Variants in CPSF1 observed in about 807,000 individuals in gnomAD.
CPSF1 encodes the protein cleavage and polyadenylation specificity factor subunit 1.
Under a neutral mutation model 175.8 loss-of-function variants are expected in CPSF1, and 106 were observed. The ratio of observed to expected loss-of-function variants is 0.60; its 90% CI spans 0.52 to 0.71. The LOEUF (loss-of-function observed/expected upper bound fraction) is 0.71. Among genes scored for constraint, CPSF1 ranks in the 30% least tolerant of loss-of-function variants. The pLI, the probability that CPSF1 is intolerant of heterozygous loss-of-function variation, is 0.00. For synonymous variants in CPSF1, 1,024 were observed against 858.3 expected, an observed-to-expected ratio of 1.19 and a Z score of -3.37; for missense variants, 1,734 against 2,022.9, an observed-to-expected ratio of 0.86 and a Z score of 2.74.
chr8:144,400,134 G>GACC, intron 9 of CPSF1, 32 bp downstream of exon 9: 1 of 964,398 alleles, frequency 1.0e-6, no homozygotes, highest in Non-Finnish European at 1.5e-6. Context: ...GCCGTCCCCG[G>GACC]GCCCCCCCCG....
In CPSF1 at chr8:144,400,248, C is replaced by T. The variant is rs2116873852; in HGVS notation, c.855G>A (p.Ser285=). The part of the protein sequence containing the change: ...IGGVVVFAVN[S]LLYLNQSVPP... Reference sequence around the variant, plus strand: ...GGACGCTCTGGTTCAGGTACAACAGCGAGTTGACGGCAAACACCACCACCC... The same window carrying T: ...GGACGCTCTGGTTCAGGTACAACAGTGAGTTGACGGCAAACACCACCACCC... Residue 285 remains serine (S), a synonymous_variant, in exon 9 of 38, where the codon TCG becomes TCA. Transcript: ENST00000616140. The T allele has an allele frequency of 4.4e-6, 7 of 1,593,568 alleles. No homozygotes were observed. The highest frequency in any genetic ancestry group is 1.3e-5 in the African/African-American group (1 of 74,310).
At chr8:144,403,426 C>T (rs2116894874) in intron 2 of CPSF1, among the ~76,000 whole-genome samples, 5 of 152,176 alleles carry the variant, frequency 3.3e-5, no homozygotes, top group African/African-American at 1.2e-4. Context: ...CACTGTCTCC[C>T]AGGTTGGAGT....
rs781849389 is a variant in CPSF1 at position 144,397,267 on chromosome 8, G to C, written c.2532C>G (p.Pro844=). 6.5e-7 allele frequency: 1 copy of C among 1,549,996 alleles called. No homozygotes were observed. The highest frequency in any genetic ancestry group is 8.7e-7 in the Non-Finnish European group (1 of 1,147,394). ...REEATRQGEL[P]LVKEVLLVAL... is the part of the protein sequence containing the mutation. ...CCACCAGCAGCACCTCCTTGACGAG[G>C]GGCAGCTCCCCCTGGCGCGTGGCCT... The change falls in exon 23 of 38, where the codon CCC becomes CCG. Residue 844 remains proline (P), a synonymous_variant. Transcript: ENST00000616140.
Position 144,396,856 on chromosome 8 carries a change from T to C in CPSF1, c.2666A>G (p.Lys889Arg). The stretch of plus-strand genomic sequence containing the variant: ...CACTGGCACCTTCTTAAAGCGGACT[T>C]TGAGATTGCCCTGGCCGAGCTGAGA... ...HDSQLGQGNLKVRFKKVPHNI... is the reference protein window; with the variant it reads ...HDSQLGQGNLRVRFKKVPHNI... The change falls in exon 24 of 38, where the codon AAA (lysine) becomes AGA (arginine). Residue 889 changes from lysine (K) to arginine (R), a missense_variant. By Grantham distance (26) the Lys-to-Arg change is conservative. This residue lies in a region of CPSF1 where 585 missense variants were observed against 584.7 expected (regional missense o/e 1.00). Coordinates refer to ENST00000616140, the MANE Select transcript of CPSF1 (RefSeq NM_013291.3). 6.2e-7 allele frequency: 1 copy of C among 1,613,858 alleles called. No individual in the cohort carries two copies. Among genetic ancestry groups the C allele is most frequent in the South Asian group, 1.1e-5 (1 of 91,070 alleles).
Position 144,394,120 on chromosome 8 carries a change from C to A in CPSF1, c.3852G>T (p.Leu1284=), listed in dbSNP as rs782380278. The change falls in exon 34 of 38, where the codon CTG becomes CTT. Residue 1284 remains leucine (L), a synonymous_variant. Coordinates refer to ENST00000616140, the MANE Select transcript of CPSF1 (RefSeq NM_013291.3). ...RDRNLMVYMY[L]PEAKESFGGM... ...GGTGGAGGAAGCACTCACCTTCGGG[C>A]AGGTACATGTACACCATGAGGTTGC... 1.2e-6 allele frequency: 2 copies of A among 1,612,616 alleles called. No individual in the cohort carries two copies. Among genetic ancestry groups the A allele is most frequent in the African/African-American group, 2.7e-5 (2 of 74,908 alleles).
chr8:144,409,268 G>A, intron 1 of CPSF1, 21 bp downstream of exon 1: 1 of 1,078,894 alleles, frequency 9.3e-7, no homozygotes, highest in Non-Finnish European at 1.2e-6. Context: ...TGCCGCCTCG[G>A]CCGCCCGCCC....
At chr8:144,393,626 G>A (rs1554862210) in intron 36 of CPSF1, 36 bp from the exon 37 acceptor site, 8 of 1,588,500 alleles carry the variant, frequency 5.0e-6, no homozygotes, top group Admixed American at 1.8e-5. Context: ...GGGCAGGCTG[G>A]GGTGGAGGGG....
At chr8:144,401,176 G>A in intron 5 of CPSF1, 35 bp downstream of exon 5, 1 of 1,548,122 alleles carries the variant, frequency 6.5e-7, no homozygotes, top group Non-Finnish European at 8.7e-7. Flanking sequence ...GGGTGGCTGG[G>A]CGGGGCCTGG....
At position 144,396,587 on chromosome 8, in the gene CPSF1, C is replaced by T. The variant is rs1035838317; in HGVS notation, c.2826+11G>A. On this transcript the variant is annotated intron_variant, in intron 25 of 37. Coordinates refer to ENST00000616140, the MANE Select transcript of CPSF1 (RefSeq NM_013291.3). The stretch of plus-strand genomic sequence containing the variant: ...CTTCTACCACAGACCCCTGCAAAGG[C>T]GCTGGCCTACCCCTGAGTAGCCATA... 8.7e-6 allele frequency: 14 copies of T among 1,611,342 alleles called. No individual in the cohort carries two copies. The highest frequency in any genetic ancestry group is 3.3e-4 in the Middle Eastern group (2 of 6,076).
chr8:144,393,948 C>CG lies in CPSF1; in HGVS notation c.3949dup (p.Arg1317ProfsTer5), dbSNP rs782801667. On this transcript the variant is annotated frameshift_variant, in exon 35 of 38. Coordinates refer to ENST00000616140, the MANE Select transcript of CPSF1 (RefSeq NM_013291.3). LOFTEE classifies it high-confidence loss of function. ...TTTGCTGAGCCCTTCAGTGGCCCCCCGGCACGGGGTCCTCCAGAACGTGTT... is the reference window on the plus strand; with the variant it reads ...TTTGCTGAGCCCTTCAGTGGCCCCCCGGGCACGGGGTCCTCCAGAACGTGTT... 2 of 1,613,580 alleles carry CG rather than the reference C, an allele frequency of 1.2e-6. No individual in the cohort carries two copies. Among genetic ancestry groups the CG allele is most frequent in the South Asian group, 1.1e-5 (1 of 91,066 alleles).
In CPSF1 at chr8:144,396,341, G is replaced by A. The variant is rs2280836; in HGVS notation, c.2979+7C>T. ...GCCAGTGCTGCTGGGAACCGGCCGG[G>A]CCCCACCTGTCTGTTGAAGTACAGG... On this transcript the variant is annotated splice_region_variant and intron_variant, in intron 26 of 37. Transcript: ENST00000616140. 0.53 allele frequency: 837,158 copies of A among 1,578,380 alleles called. 228,676 individuals are homozygous for A. Among genetic ancestry groups the A allele is most frequent in the Middle Eastern group, 0.63 (2,762 of 4,378 alleles).
chr8:144,399,260 G>A lies in CPSF1; in HGVS notation c.1392+16C>T. 1 of 1,612,182 alleles carries A rather than the reference G, an allele frequency of 6.2e-7. No homozygotes were observed. Among genetic ancestry groups the A allele is most frequent in the Non-Finnish European group, 8.5e-7 (1 of 1,179,800 alleles). On this transcript the variant is annotated intron_variant, in intron 14 of 37. Transcript: ENST00000616140. The surrounding 1 kb of genome is among the most constrained non-coding windows in gnomAD (Gnocchi z 6.4). ...GGGCGCTGGCTGGGACGGGGGCCCT[G>A]CTGCCTCAATCTCACCTCAAAGGAG...
chr8:144,397,933 G>A lies in CPSF1; in HGVS notation c.2073+21C>T, dbSNP rs376628207. On this transcript the variant is annotated intron_variant, in intron 20 of 37. Transcript: ENST00000616140. ...GGGCAAGGGGCAGGGACAGGAGGGCGCCGGGAATGAGGGGGCCTACATGGT... is the reference window on the plus strand; with the variant it reads ...GGGCAAGGGGCAGGGACAGGAGGGCACCGGGAATGAGGGGGCCTACATGGT... 13 of 1,599,520 alleles carry A rather than the reference G, an allele frequency of 8.1e-6. No homozygotes were observed. In the East Asian group the frequency reaches 9.0e-5, roughly 11 times the overall value.
rs1343505886 is a variant in CPSF1 at position 144,397,774 on chromosome 8, G to C, written c.2179C>G (p.Pro727Ala). 1.9e-6 allele frequency: 3 copies of C among 1,609,262 alleles called. No individual in the cohort carries two copies. The highest frequency in any genetic ancestry group is 1.1e-5 in the South Asian group (1 of 90,964). The change falls in exon 21 of 38, where the codon CCG becomes GCG. Residue 727 changes from proline (P) to alanine (A), a missense_variant. Pro to Ala is a conservative substitution (Grantham distance 27). Transcript: ENST00000616140. ...TCTGAGCCCAGGCCCTCGGCCTCCG[G>C]GCCACTGCGGCCCCCGAGCTCGTCA... is the stretch of plus-strand genomic sequence containing the variant. The part of the protein sequence containing the change: ...ARDELGGRSG[P>A]EAEGLGSETS...
At chr8:144,402,225 G>C (rs1165977129) in intron 2 of CPSF1, among the ~76,000 whole-genome samples, 1 of 152,242 alleles carries the variant, frequency 6.6e-6, no homozygotes, top group Non-Finnish European at 1.5e-5. Context: ...TTGCTACTAG[G>C]TAGCTAGTTT....
In CPSF1 at chr8:144,393,768, C is replaced by T; in HGVS notation, c.4044G>A (p.Leu1348=). 1 of 1,594,370 alleles carries T rather than the reference C, an allele frequency of 6.3e-7. No homozygotes were observed. Among genetic ancestry groups the T allele is most frequent in the South Asian group, 1.1e-5 (1 of 89,446 alleles). Residue 1348 remains leucine, a synonymous_variant, in exon 36 of 38, where the codon CTG becomes CTA. Transcript: ENST00000616140. ...FATLDGGIGL[L]LPMQEKTYRR... Reference sequence around the variant, plus strand: ...GGTAGGTCTTCTCCTGCATGGGCAGCAGCAGCCCGATGCCGCCGTCCAGGG... The same window carrying T: ...GGTAGGTCTTCTCCTGCATGGGCAGTAGCAGCCCGATGCCGCCGTCCAGGG...
intron 25 of CPSF1, 28 bp downstream of exon 25, chr8:144,396,570 A>G (rs782780937): frequency 6.2e-7 from 1 of 1,609,628 alleles, no homozygotes; most frequent in Admixed American, 1.7e-5. Context: ...CCCTTCTACC[A>G]CAGACCCCTG....
rs1820506082 is a variant in CPSF1, at chr8:144,393,753, C to T, written c.4059G>A (p.Glu1353=). 2 of 1,588,276 alleles carry T rather than the reference C, an allele frequency of 1.3e-6. No homozygotes were observed. The highest frequency in any genetic ancestry group is 1.7e-5 in the Admixed American group (1 of 57,390). The change falls in exon 36 of 38, where the codon GAG becomes GAA. Residue 1353 remains glutamate, a synonymous_variant. Coordinates refer to ENST00000616140, the MANE Select transcript of CPSF1 (RefSeq NM_013291.3). ...GCATCAGCAGCCGCCGGTAGGTCTT[C>T]TCCTGCATGGGCAGCAGCAGCCCGA... ...GGIGLLLPMQ[E]KTYRRLLMLQ...
Position 144,399,135 on chromosome 8 carries a change from G to A in CPSF1, c.1460C>T (p.Ser487Phe). Residue 487 changes from serine to phenylalanine, a missense_variant, in exon 15 of 38, where the codon TCT (serine) becomes TTT (phenylalanine). By Grantham distance (155) the Ser-to-Phe change is radical (BLOSUM62 -2). Around this residue, in one of 10 missense-constraint regions of CPSF1, gnomAD observed 280 missense variants for 349.2 expected, o/e 0.80. Transcript: ENST00000616140. The surrounding 1 kb of genome is among the most constrained non-coding windows in gnomAD (Gnocchi z 6.4). ...GACCCCAACCCTGGGCACCTCTTCA[G>A]AGAGGAAGGCAGGCTCGCCCACGGC... ...NAAVGEPAFL[S>F]EEFQNSPEPD... is the part of the protein sequence containing the mutation. 1 of 1,577,244 alleles carries A rather than the reference G, an allele frequency of 6.3e-7. No individual in the cohort carries two copies.
Sources: allele counts gnomAD v4.1 joint callset (sites outside exome capture counted in the v4.1 genomes callset), GRCh38; gene constraint gnomAD v4.1.1; regional missense constraint gnomAD v4.1.1; non-coding constraint Gnocchi (gnomAD v3.1); transcripts MANE v1.5; gene names NCBI Gene and HGNC (gene_info 2026-07-23, HGNC 2026-07-21).